Variants in LIFR observed in about 807,000 individuals in gnomAD.
LIFR encodes LIF receptor subunit alpha, also known as leukemia inhibitory factor receptor.
Under a neutral mutation model 122.2 loss-of-function variants are expected in LIFR, and 84 were observed. The ratio of observed to expected loss-of-function variants is 0.69; its 90% CI spans 0.58 to 0.82. The LOEUF (loss-of-function observed/expected upper bound fraction) is 0.82. Ranked by LOEUF, LIFR falls within the 40% of genes least tolerant of loss-of-function variation. The pLI, the probability that LIFR is intolerant of heterozygous loss-of-function variation, is 0.00. For missense variants in LIFR, 1,294 were observed against 1,311.6 expected (o/e 0.99, Z 0.21); for synonymous variants, 422 against 434.7 (o/e 0.97, Z 0.36).
chr5:38,502,418 C>T (rs1745228610), intron 11 of LIFR, among the ~76,000 whole-genome samples: 1 of 152,052 alleles, frequency 6.6e-6, no homozygotes, highest in African/African-American at 2.4e-5. Context: ...CACCACCATG[C>T]CCAGCTAATT....
At chr5:38,571,467 G>A (rs1448652829) in intron 1 of LIFR, among the ~76,000 whole-genome samples, 4 of 140,840 alleles carry the variant, frequency 2.8e-5, no homozygotes, top group Non-Finnish European at 4.5e-5. Flanking sequence ...GGGCAGGAGA[G>A]TCACCTGAAT....
At chr5:38,591,724 G>C (rs907228220) in intron 1 of LIFR, among the ~76,000 whole-genome samples, 1 of 152,186 alleles carries the variant, frequency 6.6e-6, no homozygotes, top group Non-Finnish European at 1.5e-5. Flanking sequence ...TTGTCCTCAG[G>C]AAAGTTGGTG....
chr5:38,483,846 G>T (rs1744130046), intron 18 of LIFR, among the ~76,000 whole-genome samples: 2 of 152,158 alleles, frequency 1.3e-5, no homozygotes, highest in South Asian at 4.1e-4. Flanking sequence ...GCTAAAATAT[G>T]TTCTCTTGTC....
chr5:38,586,284 C>CA (rs938324309), intron 1 of LIFR, among the ~76,000 whole-genome samples: 5 of 152,164 alleles, frequency 3.3e-5, no homozygotes, highest in African/African-American at 1.2e-4. Flanking sequence ...AGAATTATGA[C>CA]AAACTGTCCT....
chr5:38,537,761 C>T (rs1580141209), intron 1 of LIFR, among the ~76,000 whole-genome samples: 1 of 151,930 alleles, frequency 6.6e-6, no homozygotes, highest in African/African-American at 2.4e-5. Context: ...ATTTGCAATG[C>T]TTTATTTATA....
Position 38,516,345 on chromosome 5 carries a change from G to A in LIFR, c.562-4381C>T, listed in dbSNP as rs568249305. 4.9e-4 allele frequency among the ~76,000 whole-genome samples: 74 copies of A among 152,010 alleles called. 1 individual carries two copies. The highest frequency in any genetic ancestry group is 1.8e-3 in the African/African-American group (73 of 41,454). ...AAGGGCTAATATCCAGAATCTACAA[G>A]GAACTTAAACAAATTTACAAGAAAA... On this transcript the variant is annotated intron_variant, in intron 5 of 19. Coordinates refer to ENST00000453190, the MANE Select transcript of LIFR (RefSeq NM_001127671.2).
At chr5:38,518,834 T>A (rs541613187) in intron 5 of LIFR, among the ~76,000 whole-genome samples, 65 of 152,288 alleles carry the variant, frequency 4.3e-4, no homozygotes, top group African/African-American at 1.6e-3. Flanking sequence ...CCATGCATGT[T>A]ACTGCCCCGA....
intron 17 of LIFR, 99 bp from the exon 18 acceptor site, chr5:38,484,967 G>GA (rs935786851): frequency 1.2e-5 from 10 of 812,848 alleles, no homozygotes; most frequent in Non-Finnish European, 2.1e-5. Context: ...AATTATTTAG[G>GA]AAAAAAACAA....
chr5:38,549,687 AG>A (rs1748094993), intron 1 of LIFR, among the ~76,000 whole-genome samples: 2 of 152,184 alleles, frequency 1.3e-5, no homozygotes, highest in African/African-American at 4.8e-5. Context: ...GCTACTTGGG[AG>A]GCTGAGGCAG....
At chr5:38,598,232 TATTTATTTATTTATTTTTTTTTTTTTTC>T (rs1178205987), upstream of LIFR, among the ~76,000 whole-genome samples, 12 of 73,762 alleles carry the variant, frequency 1.6e-4, 1 homozygote, top group East Asian at 1.8e-3. Flanking sequence ...TTTTTTTTTT[TATTTATTTATTTATTTTTTTTTTTTTTC>T]TTTTTAGAGG....
chr5:38,494,037 G>A (rs1486180221), intron 13 of LIFR, among the ~76,000 whole-genome samples: 1 of 152,152 alleles, frequency 6.6e-6, no homozygotes, highest in African/African-American at 2.4e-5. Flanking sequence ...AAGCGCCTAG[G>A]ATCAGGTAGT....
chr5:38,597,362 G>A (rs910399800), upstream of LIFR, among the ~76,000 whole-genome samples: 5 of 152,230 alleles, frequency 3.3e-5, no homozygotes, highest in Non-Finnish European at 7.3e-5. Flanking sequence ...CACAGAAGTA[G>A]CTCGTGGGGT....
intron 1 of LIFR, among the ~76,000 whole-genome samples, chr5:38,555,589 T>C (rs1244489142): frequency 6.6e-6 from 1 of 152,118 alleles, no homozygotes; most frequent in East Asian, 1.9e-4. Context: ...CCGATTTCCA[T>C]ATAAATGCCA....
chr5:38,553,145 A>G (rs1291538031), intron 1 of LIFR, among the ~76,000 whole-genome samples: 1 of 152,196 alleles, frequency 6.6e-6, no homozygotes, highest in Non-Finnish European at 1.5e-5. Flanking sequence ...TCAGGTATGC[A>G]AGGCTCAGTC....
intron 1 of LIFR, among the ~76,000 whole-genome samples, chr5:38,582,367 G>T (rs1749615512): frequency 6.6e-6 from 1 of 152,110 alleles, no homozygotes. Flanking sequence ...CTTCAATCAG[G>T]CAGAAAGGAG....
At chr5:38,543,073 T>C (rs1050736880) in intron 1 of LIFR, among the ~76,000 whole-genome samples, 4 of 152,036 alleles carry the variant, frequency 2.6e-5, no homozygotes, top group Non-Finnish European at 1.5e-5. Flanking sequence ...ATACCTTCAA[T>C]AGAAATAAAA....
At chr5:38,592,334 AC>A (rs1311649533) in intron 1 of LIFR, among the ~76,000 whole-genome samples, 3 of 152,184 alleles carry the variant, frequency 2.0e-5, no homozygotes, top group South Asian at 2.1e-4. Context: ...AGCAACATCA[AC>A]TAGCTTCATA....
intron 1 of LIFR, among the ~76,000 whole-genome samples, chr5:38,547,538 T>C (rs548618244): frequency 3.9e-5 from 6 of 152,286 alleles, no homozygotes; most frequent in Non-Finnish European, 5.9e-5. Flanking sequence ...GTATTTGTCA[T>C]AGATTCCAAG....
chr5:38,554,031 T>C (rs1407224634), intron 1 of LIFR, among the ~76,000 whole-genome samples: 2 of 152,110 alleles, frequency 1.3e-5, no homozygotes, highest in African/African-American at 4.8e-5. Context: ...GGGATTTGAG[T>C]GCCTAATGGC....
Sources: gnomAD v4.1 joint callset for allele counts (sites outside exome capture counted in the v4.1 genomes callset) on GRCh38, gnomAD v4.1.1 for gene constraint, MANE v1.5 for transcripts, NCBI Gene and HGNC (gene_info 2026-07-23, HGNC 2026-07-21) for gene names.